The following TG variants were observed in gnomAD, a reference collection of about 807,000 sequenced individuals.
TG encodes thyroglobulin.
In TG, 270 loss-of-function variants were observed where a neutral mutation model predicts 324.7. The observed-to-expected ratio is 0.83, with a 90% CI of 0.75 to 0.92. The LOEUF is 0.92. TG is among the 40% of genes least tolerant of loss of function. The pLI is 0.00. For synonymous variants in TG, 1,401 were observed against 1,327.0 expected, an observed-to-expected ratio of 1.06 and a Z score of -1.21; for missense variants, 3,591 against 3,456.4, an observed-to-expected ratio of 1.04 and a Z score of -0.98.
At chr8:132,931,843 G>T (rs1241174214) in intron 23 of TG, among the ~76,000 whole-genome samples, 1 of 152,084 alleles carries the variant, frequency 6.6e-6, no homozygotes, top group African/African-American at 2.4e-5. Context: ...TGCTTGTAAT[G>T]CCAGGACTTT....
At chr8:132,921,133 C>G (rs1821051996) in intron 21 of TG, among the ~76,000 whole-genome samples, 1 of 152,198 alleles carries the variant, frequency 6.6e-6, no homozygotes, top group Non-Finnish European at 1.5e-5. Context: ...CCCTCATGGC[C>G]TCAGTTAAAC....
intron 43 of TG, among the ~76,000 whole-genome samples, chr8:133,107,564 G>A (rs982005677): frequency 2.6e-5 from 4 of 152,194 alleles, no homozygotes; most frequent in African/African-American, 9.7e-5. Context: ...TGTGCTCGGG[G>A]CCTCGCCAAT....
intron 8 of TG, 29 bp from the exon 9 acceptor site, chr8:132,886,419 T>C: frequency 6.2e-7 from 1 of 1,613,968 alleles, no homozygotes; most frequent in Non-Finnish European, 8.5e-7. Flanking sequence ...ATTAAAACCT[T>C]TTCTCCCATT....
chr8:133,025,177 C>T (rs1220475186), intron 40 of TG, among the ~76,000 whole-genome samples: 1 of 152,178 alleles, frequency 6.6e-6, no homozygotes, highest in Admixed American at 6.5e-5. Context: ...AAGGAAAGGG[C>T]AGAGCAGCAG....
At chr8:133,057,352 A>G (rs1245507228) in intron 41 of TG, among the ~76,000 whole-genome samples, 1 of 152,206 alleles carries the variant, frequency 6.6e-6, no homozygotes, top group Non-Finnish European at 1.5e-5. Context: ...GTACAGAAGT[A>G]TGTATAGAAT....
intron 27 of TG, among the ~76,000 whole-genome samples, chr8:132,953,759 A>G (rs1350516436): frequency 3.3e-5 from 5 of 152,168 alleles, no homozygotes; most frequent in Non-Finnish European, 5.9e-5. Context: ...CTGGGTTGAC[A>G]TGTGTTCTCC....
chr8:133,037,633 C>A (rs10106075), intron 41 of TG: 2 of 151,262 alleles, frequency 1.3e-5, no homozygotes, highest in Non-Finnish European at 2.9e-5. Flanking sequence ...TTAGGACTTA[C>A]GCATCTTTTT....
intron 32 of TG, 33 bp from the exon 33 acceptor site, chr8:132,971,761 C>T (rs1587635355): frequency 1.9e-6 from 3 of 1,540,566 alleles, no homozygotes; most frequent in Non-Finnish European, 1.8e-6. Flanking sequence ...CCAGTGAAAA[C>T]CTTCAGGCCT....
rs1397633757 is a variant in TG, at chr8:133,029,876, C to T, written c.7092C>T (p.Thr2364=). 15 of 1,614,120 alleles carry T rather than the reference C, an allele frequency of 9.3e-6. No individual in the cohort carries two copies. The highest frequency in any genetic ancestry group is 1.1e-5 in the Non-Finnish European group (13 of 1,180,052). ...WGLLDQVAAL[T]WVQTHIRGFG... ...TGCTGGACCAGGTGGCGGCTCTGACCTGGGTGCAGACCCACATCCGAGGAT... is the reference window on the plus strand; with the variant it reads ...TGCTGGACCAGGTGGCGGCTCTGACTTGGGTGCAGACCCACATCCGAGGAT... Residue 2364 remains threonine, a synonymous_variant, in exon 41 of 48, where the codon ACC becomes ACT. Transcript: ENST00000220616.
At chr8:133,019,875 A>G (rs1279353979) in intron 39 of TG, among the ~76,000 whole-genome samples, 180 bp downstream of exon 39, 2 of 152,198 alleles carry the variant, frequency 1.3e-5, no homozygotes, top group African/African-American at 4.8e-5. Context: ...GTTGGTCCTC[A>G]GAGCTTGTGG....
chr8:133,076,777 AAAC>A (rs1165339578), intron 41 of TG: 2 of 149,610 alleles, frequency 1.3e-5, no homozygotes, highest in South Asian at 2.1e-4. Flanking sequence ...AAAAAAAAAA[AAAC>A]AACTGCAAAA....
chr8:133,025,854 C>A (rs916672987), intron 40 of TG, among the ~76,000 whole-genome samples: 1 of 152,174 alleles, frequency 6.6e-6, no homozygotes, highest in African/African-American at 2.4e-5. Flanking sequence ...TGCATCTGAG[C>A]AGGATGGGGT....
chr8:133,098,301 G>A (rs935911564), intron 43 of TG, among the ~76,000 whole-genome samples: 1 of 152,176 alleles, frequency 6.6e-6, no homozygotes, highest in African/African-American at 2.4e-5. Flanking sequence ...GTGTACTCTT[G>A]TACTAATACC....
chr8:133,009,201 C>A (rs769087983), intron 35 of TG, among the ~76,000 whole-genome samples: 15 of 152,288 alleles, frequency 9.8e-5, no homozygotes, highest in South Asian at 4.1e-4. Flanking sequence ...TGAGTCTAGC[C>A]CTAAAACCCT....
At chr8:132,876,986 T>C (rs1290843788) in intron 5 of TG, among the ~76,000 whole-genome samples, 3 of 152,206 alleles carry the variant, frequency 2.0e-5, no homozygotes, top group Non-Finnish European at 2.9e-5. Flanking sequence ...TGTGTCTTAA[T>C]ATATGGTAAA....
intron 41 of TG, among the ~76,000 whole-genome samples, chr8:133,081,222 G>A (rs945041110): frequency 1.3e-5 from 2 of 152,276 alleles, no homozygotes; most frequent in Non-Finnish European, 2.9e-5. Flanking sequence ...TGGGAAGGCA[G>A]GAGTATGTCT....
At chr8:133,006,746 G>T (rs940074) in intron 35 of TG, among the ~76,000 whole-genome samples, 77,761 of 152,140 alleles carry the variant, frequency 0.51, 21,013 homozygotes, top group African/African-American at 0.67. Flanking sequence ...ATAGTCAGTT[G>T]TATTTTGATA....
At chr8:133,130,570 A>C (rs895006066) in intron 45 of TG, among the ~76,000 whole-genome samples, 1 of 152,154 alleles carries the variant, frequency 6.6e-6, no homozygotes, top group Non-Finnish European at 1.5e-5. Flanking sequence ...AGCCAGCAGG[A>C]AAACGGGGGC....
intron 10 of TG, among the ~76,000 whole-genome samples, chr8:132,888,786 A>T (rs962859693): frequency 3.3e-5 from 5 of 152,184 alleles, no homozygotes; most frequent in African/African-American, 1.2e-4. Flanking sequence ...AGTATATTTT[A>T]AAACTTTCAT....
Sources: gnomAD v4.1 joint callset for allele counts (sites outside exome capture counted in the v4.1 genomes callset) on GRCh38, gnomAD v4.1.1 for gene constraint, MANE v1.5 for transcripts, NCBI Gene and HGNC (gene_info 2026-07-23, HGNC 2026-07-21) for gene names.